IGFL1: variants seen among roughly 807,000 people sequenced by gnomAD.
IGFL1 encodes the protein insulin growth factor-like family member 1.
A neutral mutation model predicts 16.0 loss-of-function variants in IGFL1; 16 were observed. The ratio of observed to expected loss-of-function variants is 1.00; its 90% CI spans 0.68 to 1.52. The LOEUF (loss-of-function observed/expected upper bound fraction) is 1.52, where lower values mean the gene tolerates loss of function less well. Among genes scored for constraint, IGFL1 ranks in the 40% most tolerant of loss-of-function variants. The probability of loss-of-function intolerance (pLI) is 0.00; values close to 1 mark genes in which losing one functional copy is unlikely to be tolerated. For missense variants in IGFL1, 149 were observed against 141.7 expected (o/e 1.05, Z -0.26); for synonymous variants, 59 against 54.0 (o/e 1.09, Z -0.41).
In IGFL1 at chr19:46,230,457, T is replaced by G. The variant is rs751026111; in HGVS notation, c.263T>G (p.Val88Gly). 1.9e-6 allele frequency: 3 copies of G among 1,614,042 alleles called. No individual in the cohort carries two copies. Among genetic ancestry groups the G allele is most frequent in the Non-Finnish European group, 2.5e-6 (3 of 1,179,894 alleles). ...CAGTGCTGCCCCTGGACCTTCATGG[T>G]GAAGCTGATAAACCAGAACTGCGAC... ...FEQCCPWTFM[V>G]KLINQNCDSA... Residue 88 changes from valine (V) to glycine (G), a missense_variant, in exon 3 of 4, where the codon GTG becomes GGG. Val to Gly is a moderately radical substitution (Grantham distance 109). Coordinates refer to ENST00000437936, the MANE Select transcript of IGFL1 (RefSeq NM_198541.2).
rs1036426588 is a variant in IGFL1 at position 46,230,043 on chromosome 19, A to G, written c.26-65A>G. ...CCTGGTTCCACCCAGTCTTCTTCTA[A>G]ATGTCAGTGCCAGTCATATCTGTGG... On this transcript the variant is annotated intron_variant, in intron 1 of 3. Transcript: ENST00000437936. The G allele has an allele frequency of 1.9e-6, 3 of 1,570,358 alleles. No individual in the cohort carries two copies. In the African/African-American group the frequency reaches 4.1e-5, roughly 21 times the overall value.
rs774181889 is a variant in IGFL1 at position 46,230,100 on chromosome 19, T to A, written c.26-8T>A. The A allele has an allele frequency of 8.7e-6, 14 of 1,613,082 alleles. No individual in the cohort carries two copies. In the Admixed American group the frequency reaches 2.3e-4, roughly 27 times the overall value. The stretch of plus-strand genomic sequence containing the variant: ...ACTCACCCCATCTTCCCTTTCCCTT[T>A]CCCACAGCTGTCTTTGCCATTTTCT... On this transcript the variant is annotated splice_region_variant and splice_polypyrimidine_tract_variant and intron_variant, in intron 1 of 3. Coordinates refer to ENST00000437936, the MANE Select transcript of IGFL1 (RefSeq NM_198541.2).
chr19:46,230,957 C>A lies in IGFL1; in HGVS notation c.*127C>A. The A allele has an allele frequency of 2.1e-6, 2 of 931,212 alleles. No individual in the cohort carries two copies. Among genetic ancestry groups the A allele is most frequent in the Non-Finnish European group, 3.4e-6 (2 of 582,948 alleles). The allele number at this position is 931,212 out of a possible 1,614,324, so 57.7% of individuals were successfully genotyped here. The stretch of plus-strand genomic sequence containing the variant: ...GGGGGCCAGAGAAACACACACTCAA[C>A]TGCCCACTTCATTCTGTGACCTGTC... On this transcript the variant is annotated 3_prime_UTR_variant, in exon 4 of 4. Transcript: ENST00000437936.
At position 46,230,838 on chromosome 19, in the gene IGFL1, T is replaced by G. The variant is rs372998278; in HGVS notation, c.*8T>G. The G allele has an allele frequency of 3.2e-5, 52 of 1,610,620 alleles. No individual in the cohort carries two copies. The African/African-American group carries it at 6.8e-4, about 21-fold the overall frequency. ...ATCTCCAGTGTCAGCTAATGGAACA[T>G]CAGGGGAACGATGACTCCTGGATTC... On this transcript the variant is annotated 3_prime_UTR_variant, in exon 4 of 4. Transcript: ENST00000437936.
Position 46,231,011 on chromosome 19 carries a change from AG to A in IGFL1, c.*183del, listed in dbSNP as rs1157219601. On this transcript the variant is annotated 3_prime_UTR_variant, in exon 4 of 4. Transcript: ENST00000437936. ...GGCCCACCCTGCAGCTGCCCTGAGGAGGCCCACAGGTCCCCTTCTAGAATTC... is the reference window on the plus strand; with the variant it reads ...GGCCCACCCTGCAGCTGCCCTGAGGAGCCCACAGGTCCCCTTCTAGAATTC... The A allele has an allele frequency of 1.5e-6, 1 of 674,126 alleles. No individual in the cohort carries two copies. The highest frequency in any genetic ancestry group is 1.8e-5 in the African/African-American group (1 of 56,476). The allele number at this position is 674,126 out of a possible 1,614,324, so 41.8% of individuals were successfully genotyped here.
In IGFL1 at chr19:46,230,181, G is replaced by A; in HGVS notation, c.79+20G>A. On this transcript the variant is annotated intron_variant, in intron 2 of 3. Transcript: ENST00000437936. ...CCCCAGGTGAGCCCAGGAGTGTTTG[G>A]GAAGCTGGAGGAGGGGTACACCTTC... The A allele has an allele frequency of 6.2e-7, 1 of 1,613,876 alleles. No individual in the cohort carries two copies. The highest frequency in any genetic ancestry group is 1.7e-5 in the Admixed American group (1 of 60,012).
At position 46,230,842 on chromosome 19, in the gene IGFL1, G is replaced by A; in HGVS notation, c.*12G>A. The A allele has an allele frequency of 1.2e-6, 2 of 1,609,868 alleles. No homozygotes were observed. Among genetic ancestry groups the A allele is most frequent in the South Asian group, 1.1e-5 (1 of 89,860 alleles). ...CCAGTGTCAGCTAATGGAACATCAG[G>A]GGAACGATGACTCCTGGATTCTCCT... is the stretch of plus-strand genomic sequence containing the variant. On this transcript the variant is annotated 3_prime_UTR_variant, in exon 4 of 4. Coordinates refer to ENST00000437936, the MANE Select transcript of IGFL1 (RefSeq NM_198541.2).
chr19:46,229,840 C>T, intron 1 of IGFL1, 41 bp downstream of exon 1: 1 of 1,586,232 alleles, frequency 6.3e-7, no homozygotes. Flanking sequence ...AGCCCATCTC[C>T]AATCTCAGCC....
Position 46,230,519 on chromosome 19 carries a change from T to C in IGFL1, c.323+2T>C. The C allele has an allele frequency of 6.2e-7, 1 of 1,613,670 alleles. No homozygotes were observed. The highest frequency in any genetic ancestry group is 2.2e-5 in the East Asian group (1 of 44,888). On this transcript the variant is annotated splice_donor_variant, in intron 3 of 3. Coordinates refer to ENST00000437936, the MANE Select transcript of IGFL1 (RefSeq NM_198541.2). LOFTEE classifies it high-confidence loss of function. Reference sequence around the variant, plus strand: ...CTCGGATGACAGGCTTTGTCGCAGGTGAGTCCTGTCCCCTCCGTGGGATTG... The same window carrying C: ...CTCGGATGACAGGCTTTGTCGCAGGCGAGTCCTGTCCCCTCCGTGGGATTG...
In IGFL1 at chr19:46,230,349, A is replaced by G; in HGVS notation, c.155A>G (p.Gln52Arg). The G allele has an allele frequency of 6.2e-7, 1 of 1,614,038 alleles. No homozygotes were observed. The highest frequency in any genetic ancestry group is 8.5e-7 in the Non-Finnish European group (1 of 1,179,892). Residue 52 changes from glutamine (Q) to arginine (R), a missense_variant, in exon 3 of 4, where the codon CAG (glutamine) becomes CGG (arginine). Transcript: ENST00000437936. ...RCGDKFYDPL[Q>R]HCCYDDAVVP... ...GGGGACAAGTTCTACGACCCCCTGC[A>G]GCACTGTTGCTATGATGATGCCGTC...
chr19:46,230,555 G>T, intron 3 of IGFL1, 38 bp downstream of exon 3: 2 of 1,607,762 alleles, frequency 1.2e-6, no homozygotes, highest in Non-Finnish European at 8.5e-7. Flanking sequence ...TGGGTGCAGG[G>T]TAGCTGCATG....
At chr19:46,229,967 C>T in intron 1 of IGFL1, 141 bp from the exon 2 acceptor site, 1 of 1,221,856 alleles carries the variant, frequency 8.2e-7, no homozygotes, top group East Asian at 2.4e-5. Flanking sequence ...CCAGATCAGC[C>T]CCATCCACAG....
rs1967240105 is a variant in IGFL1, at chr19:46,231,212, A to T, written c.*382A>T. 3.1e-6 allele frequency: 1 copy of T among 320,816 alleles called. No homozygotes were observed. 19.9% of individuals were successfully genotyped at this position (320,816 alleles called of 1,614,324 possible). A position where few individuals can be genotyped will look rare whatever the true frequency, so the allele number is the denominator to read the frequency against. ...CTTCTATCCAGGAGCAAAGCACAGG[A>T]TCATAATAAATTTATGTACTTTATA... On this transcript the variant is annotated 3_prime_UTR_variant, in exon 4 of 4. Transcript: ENST00000437936.
chr19:46,230,586 G>A lies in IGFL1; in HGVS notation c.323+69G>A, dbSNP rs1224491658. 2.8e-5 allele frequency: 44 copies of A among 1,587,886 alleles called. No homozygotes were observed. The East Asian group carries it at 9.9e-4, about 36-fold the overall frequency. On this transcript the variant is annotated intron_variant, in intron 3 of 3. Transcript: ENST00000437936. ...GCATGCCTGTTCTGCCCTGGGTGGA[G>A]CCCCCATTCTCCTTGTCTCCCTGTC...
chr19:46,231,021 G>T lies in IGFL1; in HGVS notation c.*191G>T. 1.5e-6 allele frequency: 1 copy of T among 660,888 alleles called. No individual in the cohort carries two copies. The highest frequency in any genetic ancestry group is 2.7e-6 in the Non-Finnish European group (1 of 366,224). 40.9% of individuals were successfully genotyped at this position (660,888 alleles called of 1,614,324 possible). A position where few individuals can be genotyped will look rare whatever the true frequency, so the allele number is the denominator to read the frequency against. Reference sequence around the variant, plus strand: ...GCAGCTGCCCTGAGGAGGCCCACAGGTCCCCTTCTAGAATTCTGGACAGCA... The same window carrying T: ...GCAGCTGCCCTGAGGAGGCCCACAGTTCCCCTTCTAGAATTCTGGACAGCA... On this transcript the variant is annotated 3_prime_UTR_variant, in exon 4 of 4. Transcript: ENST00000437936.
Position 46,230,421 on chromosome 19 carries a change from T to C in IGFL1, c.227T>C (p.Val76Ala). Residue 76 changes from valine to alanine, a missense_variant, in exon 3 of 4, where the codon GTC becomes GCC. Transcript: ENST00000437936. ...ACGTGTGGAAACTGCACCTTCAGAG[T>C]CTGCTTTGAGCAGTGCTGCCCCTGG... The part of the protein sequence containing the change: ...TQTCGNCTFR[V>A]CFEQCCPWTF... 6.2e-7 allele frequency: 1 copy of C among 1,613,984 alleles called. No individual in the cohort carries two copies. Among genetic ancestry groups the C allele is most frequent in the Non-Finnish European group, 8.5e-7 (1 of 1,179,878 alleles).
In IGFL1 at chr19:46,230,296, G is replaced by A; in HGVS notation, c.102G>A (p.Leu34=). The change falls in exon 3 of 4, where the codon CTG becomes CTA. Residue 34 remains leucine (L), a synonymous_variant. Coordinates refer to ENST00000437936, the MANE Select transcript of IGFL1 (RefSeq NM_198541.2). ...CAGTGGCCCCCATGACTCCTTACCTGATGCTGTGCCAGCCACACAAGAGAT... is the reference window on the plus strand; with the variant it reads ...CAGTGGCCCCCATGACTCCTTACCTAATGCTGTGCCAGCCACACAAGAGAT... The part of the protein sequence containing the change: ...GAPVAPMTPY[L]MLCQPHKRCG... The A allele has an allele frequency of 6.2e-7, 1 of 1,614,002 alleles. No individual in the cohort carries two copies. Among genetic ancestry groups the A allele is most frequent in the Non-Finnish European group, 8.5e-7 (1 of 1,179,894 alleles).
rs761058503 is a variant in IGFL1, at chr19:46,230,524, C to T, written c.323+7C>T. The T allele has an allele frequency of 2.2e-5, 36 of 1,612,938 alleles. No individual in the cohort carries two copies. The highest frequency in any genetic ancestry group is 2.8e-5 in the Non-Finnish European group (33 of 1,179,372). On this transcript the variant is annotated splice_region_variant and intron_variant, in intron 3 of 3. Transcript: ENST00000437936. ...ATGACAGGCTTTGTCGCAGGTGAGT[C>T]CTGTCCCCTCCGTGGGATTGTGGGT...
Position 46,230,320 on chromosome 19 carries a change from A to G in IGFL1, c.126A>G (p.Arg42=). 1 of 1,613,896 alleles carries G rather than the reference A, an allele frequency of 6.2e-7. No individual in the cohort carries two copies. The stretch of plus-strand genomic sequence containing the variant: ...TGATGCTGTGCCAGCCACACAAGAG[A>G]TGTGGGGACAAGTTCTACGACCCCC... ...PYLMLCQPHK[R]CGDKFYDPLQ... The change falls in exon 3 of 4, where the codon AGA becomes AGG. Residue 42 remains arginine (R), a synonymous_variant. Transcript: ENST00000437936.
Sources: gnomAD v4.1 joint callset for allele counts on GRCh38, gnomAD v4.1.1 for gene constraint, MANE v1.5 for transcripts, NCBI Gene and HGNC (gene_info 2026-07-23, HGNC 2026-07-21) for gene names.